Variants in KIAA0319L observed in about 807,000 individuals in gnomAD.
KIAA0319L encodes the protein dyslexia-associated protein KIAA0319-like protein.
Under a neutral mutation model 120.1 loss-of-function variants are expected in KIAA0319L, and 55 were observed. That is an observed-to-expected ratio of 0.46 (90% CI 0.37 to 0.57). The LOEUF is 0.57. KIAA0319L is among the 20% of genes least tolerant of loss of function. The pLI, the probability that KIAA0319L is intolerant of heterozygous loss-of-function variation, is 0.00. For synonymous variants in KIAA0319L, 398 were observed against 471.9 expected, an observed-to-expected ratio of 0.84 and a Z score of 2.03; for missense variants, 1,049 against 1,255.3, an observed-to-expected ratio of 0.84 and a Z score of 2.48.
chr1:35,469,961 T>C (rs1020918218), intron 6 of KIAA0319L, among the ~76,000 whole-genome samples: 2 of 151,998 alleles, frequency 1.3e-5, no homozygotes, highest in Non-Finnish European at 2.9e-5. Context: ...CTTAAACTCC[T>C]GGGTTTAAGT....
At chr1:35,522,106 G>A (rs2148445852) in intron 2 of KIAA0319L, among the ~76,000 whole-genome samples, 1 of 152,320 alleles carries the variant, frequency 6.6e-6, no homozygotes. Flanking sequence ...AAAAGGTTCA[G>A]AGCAGTATGT....
chr1:35,495,439 C>T (rs1023137188), intron 3 of KIAA0319L, among the ~76,000 whole-genome samples: 1 of 152,022 alleles, frequency 6.6e-6, no homozygotes, highest in Non-Finnish European at 1.5e-5. Flanking sequence ...AGATACAACA[C>T]CAAAAACACA....
intron 2 of KIAA0319L, chr1:35,510,024 T>C (rs1213823563): frequency 6.6e-6 from 1 of 152,582 alleles, no homozygotes; most frequent in Non-Finnish European, 1.5e-5. Flanking sequence ...AAAAGTGTCA[T>C]GATAGAAAGA....
chr1:35,527,400 T>TGA (rs1306164930), intron 2 of KIAA0319L, among the ~76,000 whole-genome samples: 1 of 152,196 alleles, frequency 6.6e-6, no homozygotes, highest in Non-Finnish European at 1.5e-5. Flanking sequence ...GCTGGCTTCA[T>TGA]AGAATTATGA....
chr1:35,549,332 C>T (rs1397998537), intron 2 of KIAA0319L, among the ~76,000 whole-genome samples: 2 of 152,086 alleles, frequency 1.3e-5, no homozygotes, highest in South Asian at 2.1e-4. Flanking sequence ...AGCCAATGCA[C>T]CTGGCCTCTA....
At chr1:35,449,793 A>G in intron 15 of KIAA0319L, 74 bp downstream of exon 15, 1 of 1,526,058 alleles carries the variant, frequency 6.6e-7, no homozygotes, top group Non-Finnish European at 9.1e-7. Flanking sequence ...TGCTCGGGGA[A>G]GGGGATCTCA....
At chr1:35,522,879 C>T (rs543252540) in intron 2 of KIAA0319L, among the ~76,000 whole-genome samples, 14 of 151,438 alleles carry the variant, frequency 9.2e-5, no homozygotes, top group Non-Finnish European at 1.3e-4. Context: ...ATTAGCCGGG[C>T]GTGGTGGCAG....
rs1642076247 is a variant in KIAA0319L at position 35,451,712 on chromosome 1, C to CT, written c.1977dup (p.Val660SerfsTer13). 6.2e-7 allele frequency: 1 copy of CT among 1,614,054 alleles called. No individual in the cohort carries two copies. The highest frequency in any genetic ancestry group is 1.7e-5 in the Admixed American group (1 of 60,006). On this transcript the variant is annotated frameshift_variant, in exon 13 of 21. Transcript: ENST00000325722. LOFTEE classifies it high-confidence loss of function. ...GTCAAGGTGAACACATAGGTCCCCA[C>CT]TTGCAGCCCAGTCACAGTAGCAACA... is the stretch of plus-strand genomic sequence containing the variant.
intron 15 of KIAA0319L, 135 bp downstream of exon 15, chr1:35,449,732 T>C (rs921376069): frequency 1.1e-5 from 10 of 912,234 alleles, no homozygotes; most frequent in Non-Finnish European, 1.7e-5. Context: ...TTTTTCAGCT[T>C]GGGGTTTCTC....
intron 12 of KIAA0319L, among the ~76,000 whole-genome samples, chr1:35,452,377 C>A (rs1364111572): frequency 2.0e-5 from 3 of 152,190 alleles, no homozygotes; most frequent in African/African-American, 7.2e-5. Context: ...CAGAGACTTG[C>A]CTGCAGCAGC....
chr1:35,521,761 G>A (rs142353560), intron 2 of KIAA0319L, among the ~76,000 whole-genome samples: 6 of 150,300 alleles, frequency 4.0e-5, no homozygotes, highest in Non-Finnish European at 5.9e-5. Flanking sequence ...TCACGAGGTC[G>A]GGAGATCGAG....
intron 2 of KIAA0319L, among the ~76,000 whole-genome samples, chr1:35,514,236 G>C (rs1205430239): frequency 1.3e-5 from 2 of 152,038 alleles, no homozygotes; most frequent in East Asian, 3.9e-4. Context: ...AAATATAAAA[G>C]TGCACACATA....
intron 16 of KIAA0319L, among the ~76,000 whole-genome samples, chr1:35,446,634 T>C (rs772811262): frequency 6.6e-6 from 1 of 152,230 alleles, no homozygotes; most frequent in Non-Finnish European, 1.5e-5. Flanking sequence ...GCACCCCTTT[T>C]GCCAGATCAC....
intron 3 of KIAA0319L, among the ~76,000 whole-genome samples, chr1:35,489,473 A>T (rs1644511190): frequency 6.6e-6 from 1 of 152,160 alleles, no homozygotes; most frequent in South Asian, 2.1e-4. Context: ...AAATCCAAGC[A>T]CAGACCAGCA....
At chr1:35,479,720 T>C (rs1271519922) in intron 3 of KIAA0319L, among the ~76,000 whole-genome samples, 1 of 151,702 alleles carries the variant, frequency 6.6e-6, no homozygotes, top group African/African-American at 2.4e-5. Context: ...GCCTTGACAA[T>C]ATGGCGAGAC....
intron 2 of KIAA0319L, among the ~76,000 whole-genome samples, chr1:35,516,808 A>C (rs541565118): frequency 7.8e-4 from 119 of 152,294 alleles, no homozygotes; most frequent in Non-Finnish European, 1.5e-3. Context: ...AGAAAACCCC[A>C]CAGTCTCGGC....
In KIAA0319L at chr1:35,435,060, A is replaced by G; in HGVS notation, c.2984T>C (p.Leu995Ser). ...SRAGIKQKGLLLSSSLMHSES... is the reference protein window; with the variant it reads ...SRAGIKQKGLSLSSSLMHSES... Reference sequence around the variant, plus strand: ...GGAGTGCATCAGGCTGCTACTTAGCAAAAGGCCTTTCTGTTTGATGCCTGC... The same window carrying G: ...GGAGTGCATCAGGCTGCTACTTAGCGAAAGGCCTTTCTGTTTGATGCCTGC... Residue 995 changes from leucine to serine, a missense_variant, in exon 21 of 21, where the codon TTG becomes TCG. Coordinates refer to ENST00000325722, the MANE Select transcript of KIAA0319L (RefSeq NM_024874.5). 1 of 1,614,106 alleles carries G rather than the reference A, an allele frequency of 6.2e-7. No individual in the cohort carries two copies. The highest frequency in any genetic ancestry group is 2.2e-5 in the East Asian group (1 of 44,876).
At chr1:35,542,028 T>C (rs1646813306) in intron 2 of KIAA0319L, among the ~76,000 whole-genome samples, 3 of 152,218 alleles carry the variant, frequency 2.0e-5, no homozygotes, top group Admixed American at 2.0e-4. Context: ...CCCAGCTGCC[T>C]ACCTCATACT....
chr1:35,553,205 T>A (rs1477271879), intron 2 of KIAA0319L, among the ~76,000 whole-genome samples: 2 of 152,050 alleles, frequency 1.3e-5, no homozygotes, highest in East Asian at 3.9e-4. Context: ...CACTCCAGCC[T>A]GGGTGACAAG....
Sources: allele counts gnomAD v4.1 joint callset (sites outside exome capture counted in the v4.1 genomes callset), GRCh38; gene constraint gnomAD v4.1.1; transcripts MANE v1.5; gene names NCBI Gene and HGNC (gene_info 2026-07-23, HGNC 2026-07-21).